The following PXDNL variants were observed in gnomAD, a reference collection of about 807,000 sequenced individuals.
PXDNL encodes peroxidasin like, also known as probable oxidoreductase PXDNL.
PXDNL carries 145 observed loss-of-function variants against 150.8 expected under a neutral mutation model. The ratio of observed to expected loss-of-function variants is 0.96; its 90% CI spans 0.84 to 1.10. The LOEUF (loss-of-function observed/expected upper bound fraction) is 1.10. Among genes scored for constraint, PXDNL ranks in the 50% least tolerant of loss-of-function variants. The pLI, the probability that PXDNL is intolerant of heterozygous loss-of-function variation, is 0.00. For synonymous variants in PXDNL, 757 were observed against 725.7 expected (o/e 1.04, Z -0.69); for missense variants, 2,087 against 1,873.9 (o/e 1.11, Z -2.10).
chr8:51,457,521 A>C lies in PXDNL; in HGVS notation c.959T>G (p.Met320Arg), dbSNP rs375525047. The stretch of plus-strand genomic sequence containing the variant: ...ACCTGGAAGACTGGAGTATCTGAGC[A>C]TGGCACTCTGTGTCTTGGCTTCCCC... ...SAGEAKTQSA[M>R]LRYSSLPAKP... Residue 320 changes from methionine (M) to arginine (R), a missense_variant, in exon 9 of 23, where the codon ATG (methionine) becomes AGG (arginine). By Grantham distance (91) the Met-to-Arg change is moderately conservative. Transcript: ENST00000356297. The C allele has an allele frequency of 1.9e-6, 3 of 1,612,900 alleles. No individual in the cohort carries two copies. The highest frequency in any genetic ancestry group is 2.5e-6 in the Non-Finnish European group (3 of 1,179,460).
At chr8:51,791,749 T>C (rs2037515417) in intron 1 of PXDNL, among the ~76,000 whole-genome samples, 1 of 152,232 alleles carries the variant, frequency 6.6e-6, no homozygotes, top group Admixed American at 6.5e-5. Context: ...TGTCCTGCTT[T>C]ACCAGATAGT....
At chr8:51,809,086 G>T in intron 1 of PXDNL, 95 bp downstream of exon 1, 2 of 1,273,274 alleles carry the variant, frequency 1.6e-6, no homozygotes, top group Non-Finnish European at 2.2e-6. Context: ...AGCAGGGAGA[G>T]CATTAGGAAT....
chr8:51,365,072 C>T (rs1806872119), intron 19 of PXDNL, among the ~76,000 whole-genome samples: 1 of 152,142 alleles, frequency 6.6e-6, no homozygotes, highest in African/African-American at 2.4e-5. Flanking sequence ...TCCCAAGTAG[C>T]TGGGATTACA....
chr8:51,331,731 A>G (rs1378170676), intron 21 of PXDNL, among the ~76,000 whole-genome samples: 1 of 151,864 alleles, frequency 6.6e-6, no homozygotes, highest in Non-Finnish European at 1.5e-5. Flanking sequence ...TTCCTCGACA[A>G]CCTGCATGAC....
At chr8:51,508,079 A>C (rs1811330323) in intron 4 of PXDNL, among the ~76,000 whole-genome samples, 1 of 152,214 alleles carries the variant, frequency 6.6e-6, no homozygotes. Flanking sequence ...AAAGTGAGGA[A>C]GACCCTGCAC....
At chr8:51,767,691 T>G (rs2037246697) in intron 1 of PXDNL, among the ~76,000 whole-genome samples, 1 of 152,072 alleles carries the variant, frequency 6.6e-6, no homozygotes, top group African/African-American at 2.4e-5. Flanking sequence ...GTCTTCTAGA[T>G]CCCCTGGAAT....
rs759025321 is a variant in PXDNL, at chr8:51,408,325, A to G, written c.3299T>C (p.Val1100Ala). The G allele has an allele frequency of 2.2e-5, 36 of 1,613,910 alleles. No individual in the cohort carries two copies. The highest frequency in any genetic ancestry group is 1.3e-5 in the African/African-American group (1 of 74,946). Residue 1100 changes from valine (V) to alanine (A), a missense_variant, in exon 17 of 23, where the codon GTT becomes GCT. Physicochemically the swap from Val to Ala is moderately conservative, Grantham distance 64. Coordinates refer to ENST00000356297, the MANE Select transcript of PXDNL (RefSeq NM_144651.5). ...RIIKEGGIDP[V>A]LRGLFGVAAK... is the part of the protein sequence containing the mutation. ...AGCCACGCCAAACAGCCCCCGGAGA[A>G]CCGGGTCTATCCCACCTTCCTTGAT...
intron 17 of PXDNL, among the ~76,000 whole-genome samples, chr8:51,393,668 G>A (rs1807978679): frequency 6.6e-6 from 1 of 152,338 alleles, no homozygotes; most frequent in South Asian, 2.1e-4. Flanking sequence ...ATTCACCAAA[G>A]GATATCAAGA....
At chr8:51,564,558 GAC>G (rs1481926681) in intron 3 of PXDNL, among the ~76,000 whole-genome samples, 1 of 151,060 alleles carries the variant, frequency 6.6e-6, no homozygotes, top group Non-Finnish European at 1.5e-5. Context: ...TGCCTACTTG[GAC>G]ACATTTGTGT....
At chr8:51,388,466 T>C (rs1337756366) in intron 17 of PXDNL, among the ~76,000 whole-genome samples, 2 of 152,212 alleles carry the variant, frequency 1.3e-5, no homozygotes, top group Non-Finnish European at 2.9e-5. Flanking sequence ...TCCTGTGAGA[T>C]TTTTGGTTGT....
intron 17 of PXDNL, among the ~76,000 whole-genome samples, chr8:51,400,586 G>A (rs1207487569): frequency 6.6e-6 from 1 of 152,158 alleles, no homozygotes; most frequent in Non-Finnish European, 1.5e-5. Flanking sequence ...ATGGACCTTG[G>A]AGGATAATTG....
intron 2 of PXDNL, among the ~76,000 whole-genome samples, chr8:51,651,245 A>G (rs990185159): frequency 3.3e-5 from 5 of 152,212 alleles, no homozygotes; most frequent in African/African-American, 1.2e-4. Context: ...TATAATTTGG[A>G]AGCGATTCGG....
At chr8:51,544,664 C>T (rs1812314361) in intron 4 of PXDNL, among the ~76,000 whole-genome samples, 1 of 152,150 alleles carries the variant, frequency 6.6e-6, no homozygotes, top group Non-Finnish European at 1.5e-5. Context: ...TTCAATATCC[C>T]TTCCTCACCC....
At chr8:51,604,392 C>A (rs909106232) in intron 2 of PXDNL, among the ~76,000 whole-genome samples, 5 of 152,184 alleles carry the variant, frequency 3.3e-5, no homozygotes, top group African/African-American at 1.2e-4. Context: ...AGCAAACTAT[C>A]GCAAGGACAA....
At chr8:51,634,442 A>G (rs1217509789) in intron 2 of PXDNL, among the ~76,000 whole-genome samples, 1 of 152,060 alleles carries the variant, frequency 6.6e-6, no homozygotes, top group Admixed American at 6.6e-5. Context: ...CTTTTTGCTT[A>G]AGACTTCTTT....
Position 51,409,145 on chromosome 8 carries a change from A to T in PXDNL, c.2479T>A (p.Ser827Thr). Residue 827 changes from serine to threonine, a missense_variant, in exon 17 of 23, where the codon TCG (serine) becomes ACG (threonine). Transcript: ENST00000356297. ...ACGGAGCTGCACGGCCGCCCATCCGAGAAGCGGGCTGTGCTCAGCGCAGGC... is the reference window on the plus strand; with the variant it reads ...ACGGAGCTGCACGGCCGCCCATCCGTGAAGCGGGCTGTGCTCAGCGCAGGC... The part of the protein sequence containing the change: ...TVPALSTARF[S>T]DGRPCSSVCT... 6.2e-7 allele frequency: 1 copy of T among 1,603,980 alleles called. No homozygotes were observed. The highest frequency in any genetic ancestry group is 8.5e-7 in the Non-Finnish European group (1 of 1,178,372).
At chr8:51,506,987 CT>C (rs1295558020) in intron 4 of PXDNL, among the ~76,000 whole-genome samples, 2 of 152,030 alleles carry the variant, frequency 1.3e-5, no homozygotes, top group Admixed American at 6.6e-5. Flanking sequence ...ATCAACAGTA[CT>C]TTTTTTTCCA....
chr8:51,357,745 C>T (rs1232336683), intron 19 of PXDNL, among the ~76,000 whole-genome samples: 1 of 152,160 alleles, frequency 6.6e-6, no homozygotes, highest in Non-Finnish European at 1.5e-5. Flanking sequence ...AGATTAACCA[C>T]ATGATTTTTA....
intron 1 of PXDNL, among the ~76,000 whole-genome samples, chr8:51,804,316 CT>C: frequency 6.6e-6 from 1 of 152,296 alleles, no homozygotes; most frequent in South Asian, 2.1e-4. Context: ...AGAGGGGTGA[CT>C]TTGAGTAGAA....
Sources: allele counts gnomAD v4.1 joint callset (sites outside exome capture counted in the v4.1 genomes callset), GRCh38; gene constraint gnomAD v4.1.1; transcripts MANE v1.5; gene names NCBI Gene and HGNC (gene_info 2026-07-23, HGNC 2026-07-21).